Variants in RACGAP1 observed in about 807,000 individuals in gnomAD.
RACGAP1 encodes the protein Rac GTPase activating protein 1, also known as rac GTPase-activating protein 1.
Under a neutral mutation model 78.1 loss-of-function variants are expected in RACGAP1, and 30 were observed. That is an observed-to-expected ratio of 0.38 (90% confidence interval 0.29 to 0.52). RACGAP1 has a LOEUF of 0.52. RACGAP1 is among the 20% of genes least tolerant of loss of function. The pLI, the probability that RACGAP1 is intolerant of heterozygous loss-of-function variation, is 0.82. For synonymous variants in RACGAP1, 231 were observed against 264.8 expected (o/e 0.87, Z 1.24); for missense variants, 587 against 777.1 (o/e 0.76, Z 2.91).
intron 3 of RACGAP1, 47 bp from the exon 4 acceptor site, chr12:50,005,439 AG>A: frequency 3.1e-6 from 5 of 1,605,594 alleles, no homozygotes; most frequent in Non-Finnish European, 4.3e-6. Flanking sequence ...CAGGGGAGAA[AG>A]CTTCACCTCA....
chr12:49,992,262 T>C lies in RACGAP1; in HGVS notation c.1561A>G (p.Ile521Val), dbSNP rs757518799. 2 of 1,614,184 alleles carry C rather than the reference T, an allele frequency of 1.2e-6. No individual in the cohort carries two copies. The highest frequency in any genetic ancestry group is 2.2e-5 in the South Asian group (2 of 91,084). ...NPDPVTMLQD[I>V]KRQPKVVERL... ...CTGCCTACCTTGGGTTGACGCTTGA[T>C]GTCCTGTAACATTGTCACTGGGTCT... Residue 521 changes from isoleucine to valine, a missense_variant, in exon 14 of 17, where the codon ATC (isoleucine) becomes GTC (valine). Transcript: ENST00000312377.
At chr12:50,032,173 T>G (rs1171353481) in intron 1 of RACGAP1, among the ~76,000 whole-genome samples, 1 of 151,790 alleles carries the variant, frequency 6.6e-6, no homozygotes, top group African/African-American at 2.4e-5. Context: ...ATAATAATAA[T>G]AGTTATTTCC....
rs1284415817 is a variant in RACGAP1 at position 49,991,971 on chromosome 12, C to T, written c.1714+27G>A. On this transcript the variant is annotated intron_variant, in intron 15 of 16. Transcript: ENST00000312377. ...CTAAAACTAAAGAGAGAGTCAAGTCCCTGAAGAAGCACATCTTGGGCCTTA... is the reference window on the plus strand; with the variant it reads ...CTAAAACTAAAGAGAGAGTCAAGTCTCTGAAGAAGCACATCTTGGGCCTTA... 4 of 1,610,900 alleles carry T rather than the reference C, an allele frequency of 2.5e-6. No homozygotes were observed. In the African/African-American group the frequency reaches 4.0e-5, roughly 16 times the overall value.
intron 1 of RACGAP1, among the ~76,000 whole-genome samples, chr12:50,020,635 CA>C (rs1217133555): frequency 6.6e-6 from 1 of 152,120 alleles, no homozygotes; most frequent in Non-Finnish European, 1.5e-5. Flanking sequence ...AGATAAGTTA[CA>C]AAAATATCAA....
rs183487668 is a variant in RACGAP1 at position 49,992,182 on chromosome 12, C to T, written c.1579-49G>A. 1,174 of 1,612,618 alleles carry T rather than the reference C, an allele frequency of 7.3e-4. 4 individuals are homozygous for T. Among genetic ancestry groups the T allele is most frequent in the Admixed American group, 2.3e-3 (139 of 59,838 alleles). On this transcript the variant is annotated intron_variant, in intron 14 of 16. Coordinates refer to ENST00000312377, the MANE Select transcript of RACGAP1 (RefSeq NM_001319999.2). ...CAAACTTCCAAAGCTCAGGGCTTCT[C>T]AACTGTCTTTCAAGTTATCACATTA... is the stretch of plus-strand genomic sequence containing the variant.
chr12:49,995,977 A>G (rs1253822771), intron 10 of RACGAP1, among the ~76,000 whole-genome samples: 1 of 152,204 alleles, frequency 6.6e-6, no homozygotes, highest in Admixed American at 6.5e-5. Flanking sequence ...AATTCATTGG[A>G]CAGAGTCAGG....
intron 2 of RACGAP1, 60 bp downstream of exon 2, chr12:50,016,571 T>TA (rs1949693818): frequency 6.5e-7 from 1 of 1,534,582 alleles, no homozygotes; most frequent in African/African-American, 1.4e-5. Context: ...TTCAGCTTTG[T>TA]AAAAATCCCA....
rs771162973 is a variant in RACGAP1 at position 49,994,505 on chromosome 12, A to G, written c.1049T>C (p.Met350Thr). ...IGTPVKIGEGMLADFVSQTSP... is the reference protein window; with the variant it reads ...IGTPVKIGEGTLADFVSQTSP... ...AGTCTGGGACACAAAGTCTGCCAGC[A>G]TTCCCTGGAAAAAAAAAAGAGCTTT... The change falls in exon 11 of 17, where the codon ATG becomes ACG. Residue 350 changes from methionine (M) to threonine (T), a missense_variant. Physicochemically the swap from Met to Thr is moderately conservative, Grantham distance 81 (BLOSUM62 -1). Transcript: ENST00000312377. 5 of 1,610,358 alleles carry G rather than the reference A, an allele frequency of 3.1e-6. No homozygotes were observed. The highest frequency in any genetic ancestry group is 3.4e-5 in the Admixed American group (2 of 59,278).
At chr12:50,030,214 G>A (rs1303417455), upstream of RACGAP1, among the ~76,000 whole-genome samples, 3 of 152,070 alleles carry the variant, frequency 2.0e-5, no homozygotes, top group Non-Finnish European at 2.9e-5. Context: ...CTAGCTGAAT[G>A]TAGTGGGCTT....
intron 2 of RACGAP1, among the ~76,000 whole-genome samples, chr12:50,014,136 GTA>G (rs1949513410): frequency 1.3e-5 from 2 of 152,130 alleles, no homozygotes; most frequent in African/African-American, 4.8e-5. Context: ...GATACCACAA[GTA>G]AGTACTATAG....
At position 49,994,517 on chromosome 12, in the gene RACGAP1, A is replaced by G; in HGVS notation, c.1045-8T>C. ...AAAGTCTGCCAGCATTCCCTGGAAA[A>G]AAAAAAGAGCTTTAAATTATTATTT... is the stretch of plus-strand genomic sequence containing the variant. On this transcript the variant is annotated splice_polypyrimidine_tract_variant and splice_region_variant and intron_variant, in intron 10 of 16. Transcript: ENST00000312377. The G allele has an allele frequency of 6.2e-7, 1 of 1,607,806 alleles. No individual in the cohort carries two copies.
intron 2 of RACGAP1, among the ~76,000 whole-genome samples, chr12:50,016,321 GCA>G (rs1487350508): frequency 1.3e-5 from 2 of 152,110 alleles, no homozygotes; most frequent in African/African-American, 4.8e-5. Context: ...AGCAGAGGTT[GCA>G]GTGAGCCGAG....
chr12:50,010,604 T>A (rs1949261648), intron 2 of RACGAP1, among the ~76,000 whole-genome samples: 1 of 151,778 alleles, frequency 6.6e-6, no homozygotes, highest in Non-Finnish European at 1.5e-5. Context: ...ATTACAGGTG[T>A]GAGCCACTTT....
chr12:50,008,224 G>GTTTC lies in RACGAP1; in HGVS notation c.86-1592_86-1589dup, dbSNP rs1222193417. ...TTACTTTTTTTTTTTTTGAGACAGA[G>GTTTC]TTTCACTCTTGTTGCCCAGGCAGAA... On this transcript the variant is annotated intron_variant, in intron 2 of 16. Coordinates refer to ENST00000312377, the MANE Select transcript of RACGAP1 (RefSeq NM_001319999.2). Among the ~76,000 whole-genome samples, 7 of 135,736 alleles carry GTTTC rather than the reference G, an allele frequency of 5.2e-5. No homozygotes were observed. The South Asian group carries it at 1.2e-3, about 24-fold the overall frequency. 89.0% of individuals were successfully genotyped at this position (135,736 alleles called of 152,430 possible).
At chr12:50,012,119 C>A (rs768903990) in intron 2 of RACGAP1, among the ~76,000 whole-genome samples, 11 of 150,856 alleles carry the variant, frequency 7.3e-5, no homozygotes, top group African/African-American at 1.7e-4. Flanking sequence ...CAGAGCGAGA[C>A]CTTGTCTCCA....
At chr12:50,019,992 T>C (rs950296475) in intron 1 of RACGAP1, among the ~76,000 whole-genome samples, 3 of 152,202 alleles carry the variant, frequency 2.0e-5, no homozygotes, top group Admixed American at 1.3e-4. Context: ...AAAACAGTGA[T>C]TCTCAAATCT....
chr12:50,001,374 A>G, intron 6 of RACGAP1, 122 bp from the exon 7 acceptor site: 1 of 626,186 alleles, frequency 1.6e-6, no homozygotes, highest in South Asian at 2.3e-5. Flanking sequence ...GTAAATAACA[A>G]ACAATGTGTT....
rs1395350837 is a variant in RACGAP1, at chr12:49,994,177, T to G, written c.1293A>C (p.Glu431Asp). The change falls in exon 12 of 17, where the codon GAA (glutamate) becomes GAC (aspartate). Residue 431 changes from glutamate (E) to aspartate (D), a missense_variant. By Grantham distance (45) the Glu-to-Asp change is conservative. Transcript: ENST00000312377. ...LLKDFLRNLKEPLLTFRLNRA... is the reference protein window; with the variant it reads ...LLKDFLRNLKDPLLTFRLNRA... ...TGTTAAGGCGAAAGGTCAGAAGAGG[T>G]TCTTTGAGGTTTCGAAGAAAGTCTT... 3 of 1,613,514 alleles carry G rather than the reference T, an allele frequency of 1.9e-6. No homozygotes were observed. The highest frequency in any genetic ancestry group is 2.5e-6 in the Non-Finnish European group (3 of 1,179,966).
chr12:50,018,469 T>G (rs1182384011), intron 1 of RACGAP1: 1 of 1,107,782 alleles, frequency 9.0e-7, no homozygotes, highest in East Asian at 5.9e-5. Flanking sequence ...GCTGTGGAAT[T>G]CATGGAGATG....
Sources: gnomAD v4.1 joint callset for allele counts (sites outside exome capture counted in the v4.1 genomes callset) on GRCh38, gnomAD v4.1.1 for gene constraint, MANE v1.5 for transcripts, NCBI Gene and HGNC (gene_info 2026-07-23, HGNC 2026-07-21) for gene names.